Variants in FSTL5 observed in about 807,000 individuals in gnomAD.
FSTL5 encodes the protein follistatin like 5.
FSTL5 carries 62 observed loss-of-function variants against 89.1 expected under a neutral mutation model. The ratio of observed to expected loss-of-function variants is 0.70; its 90% CI spans 0.57 to 0.86. The LOEUF is 0.86. Ranked by LOEUF, FSTL5 falls within the 40% of genes least tolerant of loss-of-function variation. The pLI is 0.00. For missense variants in FSTL5, 1,057 were observed against 1,001.6 expected, an observed-to-expected ratio of 1.06 and a Z score of -0.75; for synonymous variants, 383 against 346.2, an observed-to-expected ratio of 1.11 and a Z score of -1.18.
chr4:161,719,005 A>G (rs1451187668), intron 6 of FSTL5, among the ~76,000 whole-genome samples: 3 of 152,220 alleles, frequency 2.0e-5, no homozygotes, highest in Admixed American at 2.0e-4. Flanking sequence ...ACCACTAGAA[A>G]CCCATTGGTA....
intron 15 of FSTL5, among the ~76,000 whole-genome samples, chr4:161,424,165 C>G (rs1408683396): frequency 1.3e-5 from 2 of 151,502 alleles, no homozygotes; most frequent in Non-Finnish European, 2.9e-5. Flanking sequence ...GCCTGAGCCA[C>G]CACGCCCAGC....
chr4:161,889,551 G>A (rs1373819012), intron 4 of FSTL5, among the ~76,000 whole-genome samples: 1 of 152,184 alleles, frequency 6.6e-6, no homozygotes, highest in Non-Finnish European at 1.5e-5. Context: ...GGCTGAGGCA[G>A]GAGAATCACT....
chr4:161,484,965 T>C (rs1292177079), intron 12 of FSTL5, among the ~76,000 whole-genome samples: 1 of 151,940 alleles, frequency 6.6e-6, no homozygotes, highest in Non-Finnish European at 1.5e-5. Context: ...ACTAGGAATG[T>C]TTTCTTATCT....
chr4:162,071,906 G>C (rs1435222382), intron 2 of FSTL5, among the ~76,000 whole-genome samples: 1 of 151,672 alleles, frequency 6.6e-6, no homozygotes, highest in Non-Finnish European at 1.5e-5. Flanking sequence ...TGATGAATGG[G>C]TCAGTGAAGA....
chr4:161,571,914 G>A (rs576177652), intron 8 of FSTL5, among the ~76,000 whole-genome samples: 2 of 152,210 alleles, frequency 1.3e-5, no homozygotes, highest in East Asian at 1.9e-4. Flanking sequence ...CCCCCAAAAG[G>A]CTTCTGAGCA....
At chr4:161,772,599 A>C (rs1164803856) in intron 5 of FSTL5, among the ~76,000 whole-genome samples, 1 of 152,134 alleles carries the variant, frequency 6.6e-6, no homozygotes, top group Non-Finnish European at 1.5e-5. Flanking sequence ...CTTTTACAAT[A>C]GCTGCAAAAA....
At chr4:161,415,853 T>A in intron 15 of FSTL5, among the ~76,000 whole-genome samples, 1 of 145,390 alleles carries the variant, frequency 6.9e-6, no homozygotes, top group African/African-American at 2.5e-5. Flanking sequence ...TATATATCAT[T>A]TCAAAGCACC....
intron 2 of FSTL5, among the ~76,000 whole-genome samples, chr4:162,060,361 T>TC (rs1278169581): frequency 6.6e-6 from 1 of 152,128 alleles, no homozygotes; most frequent in African/African-American, 2.4e-5. Flanking sequence ...AGTATTTCCT[T>TC]CGAGTTGTGA....
intron 4 of FSTL5, among the ~76,000 whole-genome samples, chr4:161,795,113 A>G (rs1729594818): frequency 6.6e-6 from 1 of 152,112 alleles, no homozygotes; most frequent in Non-Finnish European, 1.5e-5. Context: ...AAAGAGAAGA[A>G]TACAAATGAC....
intron 3 of FSTL5, among the ~76,000 whole-genome samples, chr4:162,024,004 A>C (rs937013859): frequency 2.0e-5 from 3 of 152,166 alleles, no homozygotes; most frequent in Non-Finnish European, 4.4e-5. Context: ...CTAACTGCAA[A>C]GGGATCTGGG....
intron 4 of FSTL5, among the ~76,000 whole-genome samples, chr4:161,912,311 G>T (rs1733716346): frequency 6.6e-6 from 1 of 152,086 alleles, no homozygotes; most frequent in South Asian, 2.1e-4. Flanking sequence ...GAGGTGACAT[G>T]GTTTGGCTGT....
intron 4 of FSTL5, among the ~76,000 whole-genome samples, chr4:161,894,841 T>C (rs968068971): frequency 2.0e-5 from 3 of 152,214 alleles, no homozygotes; most frequent in African/African-American, 7.2e-5. Flanking sequence ...TTATTGTACA[T>C]GAAGCTTCTA....
At chr4:161,665,097 C>T (rs1479727997) in intron 6 of FSTL5, among the ~76,000 whole-genome samples, 2 of 152,154 alleles carry the variant, frequency 1.3e-5, no homozygotes, top group African/African-American at 4.8e-5. Flanking sequence ...ATGTCAGTCA[C>T]TTAACAATGA....
intron 3 of FSTL5, among the ~76,000 whole-genome samples, chr4:162,008,407 TGC>T (rs1736670838): frequency 6.6e-6 from 1 of 151,904 alleles, no homozygotes; most frequent in Non-Finnish European, 1.5e-5. Context: ...TACTTCAGAT[TGC>T]TTAGGCCCAT....
chr4:161,596,474 T>C lies in FSTL5; in HGVS notation c.895-8899A>G, dbSNP rs116308922. Among the ~76,000 whole-genome samples the C allele has an allele frequency of 9.8e-3, 1,487 of 151,934 alleles. 23 individuals are homozygous for C. The highest frequency in any genetic ancestry group is 0.034 in the African/African-American group (1,397 of 41,542). ...TGAACAAATATTATTAGATAATAAA[T>C]GTAAAATAATTTAATTATATTTTAT... is the stretch of plus-strand genomic sequence containing the variant. On this transcript the variant is annotated intron_variant, in intron 7 of 15. Transcript: ENST00000306100.
intron 4 of FSTL5, among the ~76,000 whole-genome samples, chr4:161,848,911 CAT>C (rs1731463938): frequency 6.6e-6 from 1 of 152,134 alleles, no homozygotes; most frequent in Admixed American, 6.6e-5. Flanking sequence ...GCTGGGGAAA[CAT>C]AGCCATCTAC....
intron 6 of FSTL5, among the ~76,000 whole-genome samples, chr4:161,695,424 C>CGTGTGTGTGTGTGTGTGTGTGTGTGTGT (rs151205054): frequency 7.4e-6 from 1 of 134,338 alleles, no homozygotes; most frequent in Non-Finnish European, 1.6e-5. Context: ...CCATGGTGTA[C>CGTGTGTGTGTGTGTGTGTGTGTGTGTGT]GTGTGTGTGT....
intron 3 of FSTL5, among the ~76,000 whole-genome samples, chr4:162,009,036 T>C (rs1459565296): frequency 6.6e-6 from 1 of 152,090 alleles, no homozygotes; most frequent in Non-Finnish European, 1.5e-5. Context: ...CCTAACGTCC[T>C]ACAAAAAGTG....
intron 4 of FSTL5, among the ~76,000 whole-genome samples, chr4:161,831,418 C>A (rs1730840824): frequency 6.6e-6 from 1 of 151,752 alleles, no homozygotes; most frequent in Non-Finnish European, 1.5e-5. Flanking sequence ...ACATTTTCAT[C>A]ACCTGAATGC....
Sources: gnomAD v4.1 joint callset for allele counts (sites outside exome capture counted in the v4.1 genomes callset) on GRCh38, gnomAD v4.1.1 for gene constraint, MANE v1.5 for transcripts, NCBI Gene and HGNC (gene_info 2026-07-23, HGNC 2026-07-21) for gene names.